The following CIDEC variants were observed in gnomAD, a reference collection of about 807,000 sequenced individuals.
CIDEC encodes the protein cell death inducing DFFA like effector c, also known as lipid transferase CIDEC.
In CIDEC, 11 loss-of-function variants were observed where a neutral mutation model predicts 21.9. The observed-to-expected ratio is 0.50, with a 90% CI of 0.32 to 0.83. The LOEUF is 0.83. Among genes scored for constraint, CIDEC ranks in the 40% least tolerant of loss-of-function variants. The pLI is 0.04. For synonymous variants in CIDEC, 127 were observed against 124.9 expected (o/e 1.02, Z -0.11); for missense variants, 302 against 302.3 (o/e 1.00, Z 0.01).
At chr3:9,869,531 T>C (rs1319193787) in intron 6 of CIDEC, among the ~76,000 whole-genome samples, 1 of 152,206 alleles carries the variant, frequency 6.6e-6, no homozygotes. Context: ...ATTACAGGCA[T>C]GAGCCACCGT....
intron 4 of CIDEC, among the ~76,000 whole-genome samples, chr3:9,873,692 T>G (rs1001278373): frequency 2.0e-5 from 3 of 152,202 alleles, no homozygotes; most frequent in Non-Finnish European, 4.4e-5. Flanking sequence ...GCACTTGGCC[T>G]CTGCCTCTGG....
intron 2 of CIDEC, 83 bp from the exon 3 acceptor site, chr3:9,878,594 C>G: frequency 7.5e-7 from 1 of 1,340,064 alleles, no homozygotes; most frequent in Non-Finnish European, 1.1e-6. Flanking sequence ...TGCAACCCAA[C>G]CCCTGTTCAG....
At chr3:9,878,398 T>C (rs1240632368) in intron 3 of CIDEC, 36 bp downstream of exon 3, 3 of 1,476,166 alleles carry the variant, frequency 2.0e-6, no homozygotes, top group Non-Finnish European at 2.8e-6. Context: ...AGCTCATAGG[T>C]GGCTCTCTTT....
chr3:9,876,613 T>G (rs780461342), intron 4 of CIDEC, among the ~76,000 whole-genome samples: 4 of 151,598 alleles, frequency 2.6e-5, no homozygotes, highest in Non-Finnish European at 5.9e-5. Context: ...AAAAATTAGC[T>G]GGGTGTGGTG....
chr3:9,875,388 A>G (rs1015309631), intron 4 of CIDEC, among the ~76,000 whole-genome samples: 1 of 151,622 alleles, frequency 6.6e-6, no homozygotes, highest in African/African-American at 2.4e-5. Flanking sequence ...AAAAAAAAAA[A>G]AAAAAGAAAA....
intron 4 of CIDEC, 57 bp from the exon 5 acceptor site, chr3:9,870,379 A>G (rs755685999): frequency 1.2e-5 from 20 of 1,602,718 alleles, no homozygotes; most frequent in Non-Finnish European, 1.4e-5. Flanking sequence ...GCTGGACTCT[A>G]TGAGGTGGAA....
chr3:9,870,182 C>A lies in CIDEC; in HGVS notation c.348G>T (p.Trp116Cys). The stretch of plus-strand genomic sequence containing the variant: ...ACCTCACCTGTTCTGATGGGGGCTG[C>A]CATTTCTGCCCCTTCTGGAGGACCA... Reference protein sequence around the residue: ...VFMVLQKGQKWQPPSEQGTRH... With the variant: ...VFMVLQKGQKCQPPSEQGTRH... The change falls in exon 5 of 7, where the codon TGG (tryptophan) becomes TGT (cysteine). Residue 116 changes from tryptophan to cysteine, a missense_variant. By Grantham distance (215) the Trp-to-Cys change is radical. Coordinates refer to ENST00000336832, the MANE Select transcript of CIDEC (RefSeq NM_001321142.2). 1 of 1,614,170 alleles carries A rather than the reference C, an allele frequency of 6.2e-7. No homozygotes were observed. The highest frequency in any genetic ancestry group is 8.5e-7 in the Non-Finnish European group (1 of 1,180,028).
intron 2 of CIDEC, 73 bp from the exon 3 acceptor site, chr3:9,878,584 T>C: frequency 7.1e-7 from 1 of 1,412,934 alleles, no homozygotes; most frequent in Non-Finnish European, 1.0e-6. Context: ...TTAGGCAAGG[T>C]GCAACCCAAC....
At chr3:9,867,626 C>T (rs1034006672) in intron 6 of CIDEC, among the ~76,000 whole-genome samples, 1 of 146,222 alleles carries the variant, frequency 6.8e-6, no homozygotes, top group African/African-American at 2.5e-5. Flanking sequence ...TCTCAAAAAA[C>T]AATCAAACAA....
At position 9,870,058 on chromosome 3, in the gene CIDEC, G is replaced by T. The variant is rs762189782; in HGVS notation, c.378C>A (p.His126Gln). 1.9e-6 allele frequency: 3 copies of T among 1,614,152 alleles called. No homozygotes were observed. Among genetic ancestry groups the T allele is most frequent in the Non-Finnish European group, 2.5e-6 (3 of 1,180,000 alleles). The change falls in exon 6 of 7, where the codon CAC (histidine) becomes CAA (glutamine). Residue 126 changes from histidine to glutamine, a missense_variant. By Grantham distance (24) the His-to-Gln change is conservative. Transcript: ENST00000336832. ...CAGGCTTATGGGAGAGGGACAGTGG[G>T]TGCCTTGTCCCCTGCATTGAGACAA... Reference protein sequence around the residue: ...WQPPSEQGTRHPLSLSHKPAK... With the variant: ...WQPPSEQGTRQPLSLSHKPAK...
At chr3:9,874,958 C>T (rs2125049424) in intron 4 of CIDEC, among the ~76,000 whole-genome samples, 1 of 152,260 alleles carries the variant, frequency 6.6e-6, no homozygotes, top group South Asian at 2.1e-4. Flanking sequence ...GTCTTGAACT[C>T]CTGGGCTCAA....
chr3:9,867,314 G>T lies in CIDEC; in HGVS notation c.555-18C>A. 2 of 1,613,788 alleles carry T rather than the reference G, an allele frequency of 1.2e-6. No homozygotes were observed. The highest frequency in any genetic ancestry group is 1.7e-6 in the Non-Finnish European group (2 of 1,179,916). On this transcript the variant is annotated intron_variant, in intron 6 of 6. Coordinates refer to ENST00000336832, the MANE Select transcript of CIDEC (RefSeq NM_001321142.2). ...AAGCTTCCCTGGGTGGAATGAGAGGGCACGCAAGTCAAAACCACGAAGTAG... is the reference window on the plus strand; with the variant it reads ...AAGCTTCCCTGGGTGGAATGAGAGGTCACGCAAGTCAAAACCACGAAGTAG...
Position 9,866,893 on chromosome 3 carries a change from G to A in CIDEC, c.*241C>T. 1 of 630,068 alleles carries A rather than the reference G, an allele frequency of 1.6e-6. No homozygotes were observed. The highest frequency in any genetic ancestry group is 2.7e-5 in the East Asian group (1 of 36,664). The allele number at this position is 630,068 out of a possible 1,614,324, so 39.0% of individuals were successfully genotyped here. ...AATGGAGGGACAGACTTCAGGACCA[G>A]TCTGGATGGGCTAAGCTGCCTTGGG... On this transcript the variant is annotated 3_prime_UTR_variant, in exon 7 of 7. Transcript: ENST00000336832.
Position 9,870,073 on chromosome 3 carries a change from C to T in CIDEC, c.367-4G>A, listed in dbSNP as rs2082326228. 2 of 1,614,118 alleles carry T rather than the reference C, an allele frequency of 1.2e-6. No individual in the cohort carries two copies. Among genetic ancestry groups the T allele is most frequent in the Admixed American group, 1.7e-5 (1 of 60,016 alleles). On this transcript the variant is annotated splice_region_variant and splice_polypyrimidine_tract_variant and intron_variant, in intron 5 of 6. Transcript: ENST00000336832. The stretch of plus-strand genomic sequence containing the variant: ...GGGACAGTGGGTGCCTTGTCCCCTG[C>T]ATTGAGACAAGCAAATGGTTAGCAC...
chr3:9,870,378 T>TA, intron 4 of CIDEC, 56 bp from the exon 5 acceptor site: 1 of 1,601,836 alleles, frequency 6.2e-7, no homozygotes, highest in East Asian at 2.2e-5. Flanking sequence ...GGCTGGACTC[T>TA]ATGAGGTGGA....
chr3:9,879,506 C>G (rs2082476575), intron 1 of CIDEC, among the ~76,000 whole-genome samples: 1 of 152,106 alleles, frequency 6.6e-6, no homozygotes, highest in Non-Finnish European at 1.5e-5. Context: ...TGAATTTTAA[C>G]TAATTTAAAT....
At chr3:9,870,926 T>C (rs73118324) in intron 4 of CIDEC, among the ~76,000 whole-genome samples, 120 of 151,980 alleles carry the variant, frequency 7.9e-4, no homozygotes, top group African/African-American at 2.6e-3. Context: ...AGGCATGTGC[T>C]ATCACGTCCG....
chr3:9,870,530 T>C, intron 4 of CIDEC: 1 of 1,427,794 alleles, frequency 7.0e-7, no homozygotes, highest in South Asian at 1.2e-5. Flanking sequence ...TTTTTAATTG[T>C]GATACAGTTT....
chr3:9,875,382 A>AAG, intron 4 of CIDEC, among the ~76,000 whole-genome samples: 1 of 147,768 alleles, frequency 6.8e-6, no homozygotes, highest in African/African-American at 2.6e-5. Flanking sequence ...GTCTCAAAAA[A>AAG]AAAAAAAAAA....
Sources: gnomAD v4.1 joint callset for allele counts (sites outside exome capture counted in the v4.1 genomes callset) on GRCh38, gnomAD v4.1.1 for gene constraint, MANE v1.5 for transcripts, NCBI Gene and HGNC (gene_info 2026-07-23, HGNC 2026-07-21) for gene names.